TRIO: variants seen among roughly 807,000 people sequenced by gnomAD.
TRIO encodes trio Rho guanine nucleotide exchange factor.
Under a neutral mutation model 351.9 loss-of-function variants are expected in TRIO, and 58 were observed. The observed-to-expected ratio is 0.16, with a 90% confidence interval of 0.13 to 0.21. The LOEUF (loss-of-function observed/expected upper bound fraction) is 0.21. TRIO is among the 10% of genes least tolerant of loss of function. The probability of loss-of-function intolerance (pLI) is 1.00; values close to 1 mark genes in which losing one functional copy is unlikely to be tolerated. For synonymous variants in TRIO, 1,758 were observed against 1,595.7 expected, an observed-to-expected ratio of 1.10 and a Z score of -2.42; for missense variants, 3,201 against 4,027.8, an observed-to-expected ratio of 0.79 and a Z score of 5.56.
chr5:14,150,279 C>G (rs1183810962), intron 1 of TRIO, among the ~76,000 whole-genome samples: 1 of 151,042 alleles, frequency 6.6e-6, no homozygotes, highest in African/African-American at 2.4e-5. Context: ...TGACAGAAAA[C>G]AGATGGGCAT....
At position 14,485,052 on chromosome 5, in the gene TRIO, G is replaced by T. The variant is rs542488086; in HGVS notation, c.6658-17G>T. 39 of 1,348,860 alleles carry T rather than the reference G, an allele frequency of 2.9e-5. No homozygotes were observed. Among genetic ancestry groups the T allele is most frequent in the East Asian group, 5.0e-5 (2 of 39,646 alleles). The allele number at this position is 1,348,860 out of a possible 1,614,324, so 83.6% of individuals were successfully genotyped here. On this transcript the variant is annotated splice_polypyrimidine_tract_variant and intron_variant, in intron 46 of 56. Transcript: ENST00000344204. ...CCACCTGTTAGCTATTATGAATAAT[G>T]TTTTTTTTTTTTTAAGGTGAGTTGC...
intron 1 of TRIO, among the ~76,000 whole-genome samples, chr5:14,168,199 C>A (rs1422690134): frequency 1.3e-5 from 2 of 152,228 alleles, no homozygotes; most frequent in East Asian, 3.8e-4. Context: ...GTGTGTCATC[C>A]TGAAATCAGT....
At chr5:14,359,668 T>C (rs901247369) in intron 13 of TRIO, 137 bp downstream of exon 13, 1 of 1,079,838 alleles carries the variant, frequency 9.3e-7, no homozygotes, top group Non-Finnish European at 1.3e-6. Context: ...CAGGAGGGGG[T>C]GTGGGAGGGA....
At chr5:14,445,507 C>G (rs1270025012) in intron 34 of TRIO, among the ~76,000 whole-genome samples, 1 of 152,176 alleles carries the variant, frequency 6.6e-6, no homozygotes, top group African/African-American at 2.4e-5. Flanking sequence ...TAATATTTGA[C>G]TATAAGAAAC....
chr5:14,321,514 C>T (rs1336311764), intron 9 of TRIO, among the ~76,000 whole-genome samples: 2 of 152,250 alleles, frequency 1.3e-5, no homozygotes, highest in Non-Finnish European at 2.9e-5. Context: ...TGTCTTTCCT[C>T]TCTGCATGCT....
chr5:14,168,933 G>A (rs1263319498), intron 1 of TRIO, among the ~76,000 whole-genome samples: 1 of 152,244 alleles, frequency 6.6e-6, no homozygotes, highest in African/African-American at 2.4e-5. Flanking sequence ...TTGTCCACGG[G>A]TTGGGAAGAG....
chr5:14,215,720 C>CA (rs1418519832), intron 1 of TRIO, among the ~76,000 whole-genome samples: 3 of 152,130 alleles, frequency 2.0e-5, no homozygotes, highest in Non-Finnish European at 4.4e-5. Flanking sequence ...CTTGTATGTA[C>CA]AAATCTATTT....
intron 7 of TRIO, among the ~76,000 whole-genome samples, 189 bp from the exon 8 acceptor site, chr5:14,304,272 G>A (rs558125952): frequency 6.6e-6 from 1 of 152,312 alleles, no homozygotes; most frequent in East Asian, 1.9e-4. Flanking sequence ...AGTCCTGCTG[G>A]AACTCACTCT....
chr5:14,207,559 G>GACACACACACAC (rs1554033526), intron 1 of TRIO, among the ~76,000 whole-genome samples: 10 of 94,530 alleles, frequency 1.1e-4, no homozygotes, highest in Admixed American at 2.1e-4. Flanking sequence ...CACACACACG[G>GACACACACACAC]AGCCAGGTGT....
intron 47 of TRIO, 31 bp from the exon 48 acceptor site, chr5:14,487,433 A>G: frequency 9.1e-7 from 1 of 1,093,604 alleles, no homozygotes; most frequent in Non-Finnish European, 1.1e-6. Flanking sequence ...TGGCGCCCTG[A>G]CCCAGTCTCT....
chr5:14,349,257 A>T (rs1348725869), intron 11 of TRIO, among the ~76,000 whole-genome samples: 1 of 105,614 alleles, frequency 9.5e-6, no homozygotes, highest in Non-Finnish European at 1.9e-5. Flanking sequence ...ACACGTGAGC[A>T]TGTGTTTTTC....
intron 29 of TRIO, among the ~76,000 whole-genome samples, chr5:14,398,142 G>T (rs1182630366): frequency 6.6e-6 from 1 of 152,194 alleles, no homozygotes; most frequent in African/African-American, 2.4e-5. Flanking sequence ...AGCAGCCCTA[G>T]TGGGAGCTTC....
At chr5:14,315,339 A>T (rs1466664222) in intron 8 of TRIO, among the ~76,000 whole-genome samples, 1 of 146,990 alleles carries the variant, frequency 6.8e-6, no homozygotes, top group Non-Finnish European at 1.5e-5. Flanking sequence ...TGCAACTTTC[A>T]TCTCCTGGGG....
Position 14,297,694 on chromosome 5 carries a change from A to G in TRIO, c.1368+431A>G, listed in dbSNP as rs185969559. On this transcript the variant is annotated intron_variant, in intron 7 of 56. Coordinates refer to ENST00000344204, the MANE Select transcript of TRIO (RefSeq NM_007118.4). ...TTTGGTAGCAAGGAACGGAACGCCC[A>G]TCCGTGGTGCAGATGTCAAGGGTTT... 1.1e-4 allele frequency among the ~76,000 whole-genome samples: 16 copies of G among 152,282 alleles called. 1 individual carries two copies. Among genetic ancestry groups the G allele is most frequent in the African/African-American group, 3.9e-4 (16 of 41,540 alleles).
chr5:14,417,460 C>T (rs1238134826), intron 33 of TRIO, among the ~76,000 whole-genome samples: 1 of 152,252 alleles, frequency 6.6e-6, no homozygotes, highest in African/African-American at 2.4e-5. Flanking sequence ...CAGAGGTCCT[C>T]AGCACAAGGG....
intron 2 of TRIO, among the ~76,000 whole-genome samples, chr5:14,271,972 T>C (rs1222933994): frequency 1.3e-5 from 2 of 152,234 alleles, no homozygotes; most frequent in Admixed American, 1.3e-4. Context: ...TCTAATTCAT[T>C]ATGTATTTGG....
At chr5:14,389,451 T>A in intron 25 of TRIO, 53 bp downstream of exon 25, 1 of 1,315,618 alleles carries the variant, frequency 7.6e-7, no homozygotes, top group Non-Finnish European at 1.1e-6. Context: ...TGTGCTGAAG[T>A]TTCATCACAA....
intron 7 of TRIO, among the ~76,000 whole-genome samples, chr5:14,302,592 A>G (rs938633988): frequency 2.0e-5 from 3 of 152,236 alleles, no homozygotes; most frequent in African/African-American, 2.4e-5. Flanking sequence ...TCAAGCCGTA[A>G]GGTCTGCATA....
intron 11 of TRIO, among the ~76,000 whole-genome samples, chr5:14,338,732 A>T (rs1440774895): frequency 6.6e-6 from 1 of 152,162 alleles, no homozygotes; most frequent in African/African-American, 2.4e-5. Context: ...GTTGCCCTGG[A>T]TGCTGTAGAT....
Sources: allele counts gnomAD v4.1 joint callset (sites outside exome capture counted in the v4.1 genomes callset), GRCh38; gene constraint gnomAD v4.1.1; transcripts MANE v1.5; gene names NCBI Gene and HGNC (gene_info 2026-07-23, HGNC 2026-07-21).